The following CSNK1G2 variants were observed in gnomAD, a reference collection of about 807,000 sequenced individuals.
The protein encoded by CSNK1G2 is casein kinase 1 gamma 2.
In CSNK1G2, 11 loss-of-function variants were observed where a neutral mutation model predicts 48.0. The observed-to-expected ratio is 0.23, with a 90% CI of 0.14 to 0.38. The LOEUF is 0.38. Among genes scored for constraint, CSNK1G2 ranks in the 10% least tolerant of loss-of-function variants. The pLI, the probability that CSNK1G2 is intolerant of heterozygous loss-of-function variation, is 1.00. For missense variants in CSNK1G2, 446 were observed against 595.5 expected, an observed-to-expected ratio of 0.75 and a Z score of 2.61; for synonymous variants, 337 against 254.1, an observed-to-expected ratio of 1.33 and a Z score of -3.10.
chr19:1,945,840 A>G (rs1045222600), intron 1 of CSNK1G2, among the ~76,000 whole-genome samples: 3 of 137,974 alleles, frequency 2.2e-5, no homozygotes, highest in Non-Finnish European at 4.7e-5. Context: ...AAAAAAAAAA[A>G]GCTGGTTCTC....
chr19:1,962,373 A>G (rs2015227406), intron 1 of CSNK1G2, among the ~76,000 whole-genome samples: 1 of 151,764 alleles, frequency 6.6e-6, no homozygotes, highest in African/African-American at 2.4e-5. Flanking sequence ...GGCTGTGCCC[A>G]GAAGCACAGA....
In CSNK1G2 at chr19:1,979,791, C is replaced by A; in HGVS notation, c.1042C>A (p.Gln348Lys). 6.2e-7 allele frequency: 1 copy of A among 1,607,742 alleles called. No individual in the cohort carries two copies. Among genetic ancestry groups the A allele is most frequent in the East Asian group, 2.2e-5 (1 of 44,674 alleles). Residue 348 changes from glutamine (Q) to lysine (K), a missense_variant, in exon 10 of 12, where the codon CAG (glutamine) becomes AAG (lysine). Coordinates refer to ENST00000255641, the MANE Select transcript of CSNK1G2 (RefSeq NM_001319.7). ...CACCGTCCACACCGACCTGCCCTCC[C>A]AGCCTCAGCTCCGGGACAAAACCCA... The part of the protein sequence containing the change: ...IGTVHTDLPS[Q>K]PQLRDKTQPH...
chr19:1,969,753 G>A lies in CSNK1G2; in HGVS notation c.-20G>A. On this transcript the variant is annotated 5_prime_UTR_variant, in exon 2 of 12. Transcript: ENST00000255641. The stretch of plus-strand genomic sequence containing the variant: ...CACGGCAGCAGAGTCACCGTGGAGA[G>A]GCCAGGGTATCACAAACTTATGGAT... 1 of 1,284,868 alleles carries A rather than the reference G, an allele frequency of 7.8e-7. No individual in the cohort carries two copies. Among genetic ancestry groups the A allele is most frequent in the Non-Finnish European group, 9.9e-7 (1 of 1,008,562 alleles). 79.6% of individuals were successfully genotyped at this position (1,284,868 alleles called of 1,614,324 possible).
chr19:1,941,463 C>G (rs1308451640), intron 1 of CSNK1G2, 45 bp downstream of exon 1: 1 of 147,268 alleles, frequency 6.8e-6, no homozygotes, highest in African/African-American at 2.5e-5. Context: ...CCCCTGCACC[C>G]TGGCCCTGGG....
chr19:1,969,443 C>A (rs924654671), intron 1 of CSNK1G2, 65 bp from the exon 2 acceptor site: 2 of 195,358 alleles, frequency 1.0e-5, no homozygotes, highest in African/African-American at 4.6e-5. Context: ...TGGCCTCCGC[C>A]CCGTGTCCTC....
At chr19:1,959,490 C>CCA (rs2015116508) in intron 1 of CSNK1G2, among the ~76,000 whole-genome samples, 1 of 146,098 alleles carries the variant, frequency 6.8e-6, no homozygotes, top group African/African-American at 2.6e-5. Context: ...ACCTTTAATG[C>CCA]TCGGCCCCCA....
chr19:1,945,546 G>A (rs950873217), intron 1 of CSNK1G2, among the ~76,000 whole-genome samples: 1 of 152,194 alleles, frequency 6.6e-6, no homozygotes, highest in African/African-American at 2.4e-5. Context: ...CTCTGGCCGG[G>A]CGCGGGGGCT....
At chr19:1,945,164 C>T (rs995779526) in intron 1 of CSNK1G2, among the ~76,000 whole-genome samples, 1 of 152,234 alleles carries the variant, frequency 6.6e-6, no homozygotes. Flanking sequence ...GCTTGGGGCC[C>T]TGCACCAGCC....
intron 1 of CSNK1G2, among the ~76,000 whole-genome samples, chr19:1,967,278 G>A (rs1349354803): frequency 1.3e-5 from 2 of 152,188 alleles, no homozygotes; most frequent in African/African-American, 4.8e-5. Context: ...ACTCAGCTGG[G>A]AGTTCCTGTC....
intron 1 of CSNK1G2, chr19:1,953,439 C>T (rs1396690585): frequency 5.6e-6 from 3 of 534,418 alleles, no homozygotes; most frequent in East Asian, 5.4e-5. Flanking sequence ...CAGATGTGTC[C>T]ACTTTGCTTT....
rs1056640155 is a variant in CSNK1G2 at position 1,941,277 on chromosome 19, G to C, written c.-407G>C. On this transcript the variant is annotated 5_prime_UTR_variant, in exon 1 of 12. Transcript: ENST00000255641. ...ATGCGGAGGCCGGCCCAGGCGGCGC[G>C]GGAGCCGGAGCGGGGGCCCAAGCGG... is the stretch of plus-strand genomic sequence containing the variant. The C allele has an allele frequency of 6.5e-5, 6 of 92,122 alleles. No homozygotes were observed. Among genetic ancestry groups the C allele is most frequent in the African/African-American group, 2.6e-4 (6 of 23,168 alleles). The allele number at this position is 92,122 out of a possible 1,614,324, so 5.7% of individuals were successfully genotyped here. A position where few individuals can be genotyped will look rare whatever the true frequency, so the allele number is the denominator to read the frequency against.
chr19:1,941,991 C>T (rs1013656272), intron 1 of CSNK1G2, among the ~76,000 whole-genome samples: 1 of 152,122 alleles, frequency 6.6e-6, no homozygotes, highest in Non-Finnish European at 1.5e-5. Context: ...TGGCCTGGCC[C>T]CTCCCCACGC....
chr19:1,969,485 C>T (rs1195079601), intron 1 of CSNK1G2, 23 bp from the exon 2 acceptor site: 3 of 257,952 alleles, frequency 1.2e-5, no homozygotes, highest in Admixed American at 5.5e-5. Flanking sequence ...CCGGTGCTCA[C>T]CTGTGCCTCT....
intron 2 of CSNK1G2, 63 bp downstream of exon 2, chr19:1,970,022 C>T (rs2074881): frequency 0.18 from 231,957 of 1,261,192 alleles, 22,785 homozygotes; most frequent in African/African-American, 0.32. Context: ...CCCGAGTCAC[C>T]GGAGCCTCTG....
chr19:1,967,818 C>G lies in CSNK1G2; in HGVS notation c.-265-1690C>G, dbSNP rs12982104. Among the ~76,000 whole-genome samples, 254 of 39,272 alleles carry G rather than the reference C, an allele frequency of 6.5e-3. 7 individuals are homozygous for G. Among genetic ancestry groups the G allele is most frequent in the African/African-American group, 0.061 (222 of 3,652 alleles). 25.8% of individuals were successfully genotyped at this position (39,272 alleles called of 152,430 possible). ...CTTCCTCCCTCCTCCCCAGGCTGCCCCCGACCACCCTTCAGTTCTGCAGGT... is the reference window on the plus strand; with the variant it reads ...CTTCCTCCCTCCTCCCCAGGCTGCCGCCGACCACCCTTCAGTTCTGCAGGT... On this transcript the variant is annotated intron_variant, in intron 1 of 11. Coordinates refer to ENST00000255641, the MANE Select transcript of CSNK1G2 (RefSeq NM_001319.7).
intron 2 of CSNK1G2, among the ~76,000 whole-genome samples, chr19:1,977,480 C>G (rs567624508): frequency 6.6e-5 from 10 of 152,192 alleles, no homozygotes; most frequent in Non-Finnish European, 1.3e-4. Context: ...CTGGCCTGTA[C>G]AGGGGCTCCC....
chr19:1,977,499 T>C (rs2015799629), intron 2 of CSNK1G2, among the ~76,000 whole-genome samples: 1 of 152,186 alleles, frequency 6.6e-6, no homozygotes, highest in Non-Finnish European at 1.5e-5. Flanking sequence ...CCGCCTGTTA[T>C]CCCAGCCCTG....
chr19:1,976,968 A>C (rs1599330396), intron 2 of CSNK1G2, among the ~76,000 whole-genome samples: 1 of 152,082 alleles, frequency 6.6e-6, no homozygotes, highest in East Asian at 1.9e-4. Flanking sequence ...CGAACTCCCG[A>C]CCTCAGGTGA....
At chr19:1,975,102 T>G in intron 2 of CSNK1G2, 8 of 985,346 alleles carry the variant, frequency 8.1e-6, no homozygotes, top group Non-Finnish European at 9.6e-6. Context: ...GAAGGTTTCT[T>G]CCACAGTGCA....
Sources: gnomAD v4.1 joint callset for allele counts (sites outside exome capture counted in the v4.1 genomes callset) on GRCh38, gnomAD v4.1.1 for gene constraint, MANE v1.5 for transcripts, NCBI Gene and HGNC (gene_info 2026-07-23, HGNC 2026-07-21) for gene names.